Variants in TMEM65 observed in about 807,000 individuals in gnomAD.
The protein encoded by TMEM65 is transmembrane protein 65.
Under a neutral mutation model 25.4 loss-of-function variants are expected in TMEM65, and 22 were observed. That is an observed-to-expected ratio of 0.86 (90% CI 0.62 to 1.23). The LOEUF is 1.23. TMEM65 is among the 50% of genes most tolerant of loss of function. The pLI, the probability that TMEM65 is intolerant of heterozygous loss-of-function variation, is 0.00. For missense variants in TMEM65, 262 were observed against 308.2 expected (o/e 0.85, Z 1.12); for synonymous variants, 132 against 126.2 (o/e 1.05, Z -0.31).
intron 2 of TMEM65, among the ~76,000 whole-genome samples, chr8:124,328,623 G>C (rs2131202440): frequency 6.6e-6 from 1 of 152,152 alleles, no homozygotes; most frequent in Non-Finnish European, 1.5e-5. Context: ...TAAAAGCTGG[G>C]AATAGGTAAA....
chr8:124,341,361 T>C (rs1428294940), intron 1 of TMEM65, among the ~76,000 whole-genome samples: 1 of 151,992 alleles, frequency 6.6e-6, no homozygotes, highest in African/African-American at 2.4e-5. Flanking sequence ...CCAGCTAAGA[T>C]TAGAAGGGAA....
At position 124,325,420 on chromosome 8, in the gene TMEM65, T is replaced by C. The variant is rs1331658433; in HGVS notation, c.417+1934A>G. ...AACGAAGCCTCACTGGAAAATTTTA[T>C]TGTCTCTGAATGAGTTTGCAGCTAT... On this transcript the variant is annotated intron_variant, in intron 3 of 6. Transcript: ENST00000297632. 3.3e-5 allele frequency among the ~76,000 whole-genome samples: 5 copies of C among 152,148 alleles called. No individual in the cohort carries two copies. The South Asian group carries it at 1.0e-3, about 32-fold the overall frequency.
At position 124,312,531 on chromosome 8, in the gene TMEM65, A is replaced by C. The variant is rs1340868450; in HGVS notation, c.*1429T>G. Reference sequence around the variant, plus strand: ...CTATTTAGCAACACAAATAACTTCAAAAGCCAAAATACTATTTTAATTTTA... The same window carrying C: ...CTATTTAGCAACACAAATAACTTCACAAGCCAAAATACTATTTTAATTTTA... On this transcript the variant is annotated 3_prime_UTR_variant, in exon 7 of 7. Coordinates refer to ENST00000297632, the MANE Select transcript of TMEM65 (RefSeq NM_194291.3). 7.3e-6 allele frequency: 1 copy of C among 136,936 alleles called. No homozygotes were observed. Among genetic ancestry groups the C allele is most frequent in the African/African-American group, 2.6e-5 (1 of 37,998 alleles). The allele number at this position is 136,936 out of a possible 1,614,324, so 8.5% of individuals were successfully genotyped here.
At chr8:124,347,665 C>A (rs1814654594) in intron 1 of TMEM65, among the ~76,000 whole-genome samples, 1 of 152,106 alleles carries the variant, frequency 6.6e-6, no homozygotes, top group South Asian at 2.1e-4. Context: ...ACCAAGCAAC[C>A]TGGGACTTCA....
At chr8:124,366,984 C>T (rs1428640239) in intron 1 of TMEM65, among the ~76,000 whole-genome samples, 2 of 152,212 alleles carry the variant, frequency 1.3e-5, no homozygotes, top group South Asian at 2.1e-4. Flanking sequence ...TTCTTATCCA[C>T]GTCCTTGTTC....
In TMEM65 at chr8:124,306,494, T is replaced by G. The variant is rs959663548; in HGVS notation, c.*7466A>C. On this transcript the variant is annotated 3_prime_UTR_variant, in exon 7 of 7. Transcript: ENST00000297632. Reference sequence around the variant, plus strand: ...TATTTTGATAAATATATTGAAAATTTTTTTGGAAATTTGCAACAATTTAAA... The same window carrying G: ...TATTTTGATAAATATATTGAAAATTGTTTTGGAAATTTGCAACAATTTAAA... 22 of 152,374 alleles carry G rather than the reference T, an allele frequency of 1.4e-4. No individual in the cohort carries two copies. The highest frequency in any genetic ancestry group is 4.6e-4 in the African/African-American group (19 of 41,562). 9.4% of individuals were successfully genotyped at this position (152,374 alleles called of 1,614,324 possible). A position where few individuals can be genotyped will look rare whatever the true frequency, so the allele number is the denominator to read the frequency against.
chr8:124,344,198 T>C (rs1814616716), intron 1 of TMEM65, among the ~76,000 whole-genome samples: 1 of 152,210 alleles, frequency 6.6e-6, no homozygotes, highest in African/African-American at 2.4e-5. Flanking sequence ...AAGGAACCAA[T>C]GTGGTTTAGG....
chr8:124,343,765 G>A (rs1305831973), intron 1 of TMEM65, among the ~76,000 whole-genome samples: 2 of 152,042 alleles, frequency 1.3e-5, no homozygotes, highest in African/African-American at 2.4e-5. Context: ...TTCCTCTTTG[G>A]CCTGTGTTCC....
intron 6 of TMEM65, among the ~76,000 whole-genome samples, chr8:124,318,831 T>A (rs1452044749): frequency 6.6e-6 from 1 of 152,176 alleles, no homozygotes. Context: ...GTTTGAACAA[T>A]CATCTACCTT....
chr8:124,335,221 GA>G (rs1416072067), intron 1 of TMEM65, among the ~76,000 whole-genome samples: 1 of 152,120 alleles, frequency 6.6e-6, no homozygotes, highest in African/African-American at 2.4e-5. Context: ...TCAGTATGCA[GA>G]AAGAAAATGG....
At position 124,344,677 on chromosome 8, in the gene TMEM65, T is replaced by C. The variant is rs10110968; in HGVS notation, c.305-13885A>G. On this transcript the variant is annotated intron_variant, in intron 1 of 6. Transcript: ENST00000297632. ...TAGATTCTTCTTTTGGCTCATTTTT[T>C]ATATATTTGATTTTGATTGGTTCAA... Among the ~76,000 whole-genome samples the C allele has an allele frequency of 1.0e-3, 158 of 152,212 alleles. 1 individual carries two copies. Among genetic ancestry groups the C allele is most frequent in the Non-Finnish European group, 1.1e-3 (75 of 68,018 alleles).
At chr8:124,356,334 T>C (rs1814780563) in intron 1 of TMEM65, among the ~76,000 whole-genome samples, 1 of 152,180 alleles carries the variant, frequency 6.6e-6, no homozygotes, top group Admixed American at 6.5e-5. Flanking sequence ...GCCATTTCTC[T>C]TATTAATCTG....
chr8:124,370,354 G>T (rs1238692755), intron 1 of TMEM65, among the ~76,000 whole-genome samples: 3 of 152,160 alleles, frequency 2.0e-5, no homozygotes, highest in South Asian at 2.1e-4. Context: ...AAATAGTCTT[G>T]TCAGTGCAGA....
chr8:124,322,649 T>G (rs1359389512), intron 4 of TMEM65, among the ~76,000 whole-genome samples: 2 of 151,980 alleles, frequency 1.3e-5, no homozygotes, highest in Non-Finnish European at 2.9e-5. Flanking sequence ...CTTTGATTTT[T>G]CTACCCAACT....
At chr8:124,368,774 C>T (rs1329735393) in intron 1 of TMEM65, among the ~76,000 whole-genome samples, 1 of 152,188 alleles carries the variant, frequency 6.6e-6, no homozygotes, top group East Asian at 1.9e-4. Context: ...CAGCTGAGAG[C>T]TTGATTTCAA....
intron 1 of TMEM65, among the ~76,000 whole-genome samples, chr8:124,351,427 T>G (rs988329160): frequency 3.3e-5 from 5 of 152,158 alleles, no homozygotes; most frequent in African/African-American, 1.2e-4. Context: ...AACTAATGTT[T>G]ATTTAGTATA....
intron 1 of TMEM65, 141 bp downstream of exon 1, chr8:124,371,713 G>T: frequency 3.7e-6 from 3 of 817,568 alleles, no homozygotes; most frequent in South Asian, 2.2e-5. Flanking sequence ...CGTCCCAGGC[G>T]TGGGGCCAGA....
At chr8:124,317,674 C>T (rs1814255118) in intron 6 of TMEM65, among the ~76,000 whole-genome samples, 1 of 152,178 alleles carries the variant, frequency 6.6e-6, no homozygotes, top group Non-Finnish European at 1.5e-5. Flanking sequence ...ATAATCTCCT[C>T]CCCTTGAGCA....
At chr8:124,352,533 A>T (rs987052543) in intron 1 of TMEM65, among the ~76,000 whole-genome samples, 3 of 143,486 alleles carry the variant, frequency 2.1e-5, no homozygotes, top group Non-Finnish European at 4.5e-5. Context: ...AAAATAAAAT[A>T]AAATAAAAAT....
Sources: gnomAD v4.1 joint callset for allele counts (sites outside exome capture counted in the v4.1 genomes callset) on GRCh38, gnomAD v4.1.1 for gene constraint, MANE v1.5 for transcripts, NCBI Gene and HGNC (gene_info 2026-07-23, HGNC 2026-07-21) for gene names.